Variants in TBC1D22A observed in about 807,000 individuals in gnomAD.
TBC1D22A encodes the protein TBC1 domain family member 22A, also known as putative GTPase activator.
Under a neutral mutation model 60.2 loss-of-function variants are expected in TBC1D22A, and 38 were observed. That is an observed-to-expected ratio of 0.63 (90% CI 0.49 to 0.83). TBC1D22A has a LOEUF of 0.83. TBC1D22A is among the 40% of genes least tolerant of loss of function. TBC1D22A has a pLI of 0.00. For missense variants in TBC1D22A, 628 were observed against 701.0 expected, an observed-to-expected ratio of 0.90 and a Z score of 1.18; for synonymous variants, 302 against 281.7, an observed-to-expected ratio of 1.07 and a Z score of -0.72.
chr22:46,803,040 C>A lies in TBC1D22A; in HGVS notation c.637+5420C>A, dbSNP rs561543511. Among the ~76,000 whole-genome samples the A allele has an allele frequency of 3.3e-5, 5 of 152,226 alleles. No homozygotes were observed. In the East Asian group the frequency reaches 9.7e-4, roughly 29 times the overall value. ...CACTGGGGAGACAAAATCTCCTCCT[C>A]ATGAAACAGAGAGCCAGGGAAAGCA... On this transcript the variant is annotated intron_variant, in intron 4 of 12. Transcript: ENST00000337137.
At chr22:46,835,559 GAGAA>G (rs2063209509) in intron 4 of TBC1D22A, among the ~76,000 whole-genome samples, 3 of 152,136 alleles carry the variant, frequency 2.0e-5, no homozygotes, top group African/African-American at 7.2e-5. Flanking sequence ...AAAAAAGCAT[GAGAA>G]AGAGAGAAGA....
intron 12 of TBC1D22A, among the ~76,000 whole-genome samples, chr22:47,115,150 C>T (rs928326085): frequency 1.5e-4 from 23 of 151,512 alleles, no homozygotes; most frequent in African/African-American, 5.1e-4. Flanking sequence ...GAACGTTGGC[C>T]CTGTCCTGAG....
chr22:46,956,359 G>A (rs1437868906), intron 8 of TBC1D22A, among the ~76,000 whole-genome samples: 3 of 152,332 alleles, frequency 2.0e-5, no homozygotes, highest in South Asian at 4.1e-4. Flanking sequence ...GCTGAGGTGG[G>A]CACATCACTA....
chr22:46,970,741 A>G (rs960108320), intron 8 of TBC1D22A, among the ~76,000 whole-genome samples: 1 of 152,198 alleles, frequency 6.6e-6, no homozygotes, highest in Admixed American at 6.5e-5. Flanking sequence ...TTCAGAGACC[A>G]TTCTCTCCCC....
Position 46,974,364 on chromosome 22 carries a change from T to TA in TBC1D22A, c.1091dup (p.Tyr364Ter). 1.2e-6 allele frequency: 2 copies of TA among 1,611,526 alleles called. No homozygotes were observed. Among genetic ancestry groups the TA allele is most frequent in the South Asian group, 2.2e-5 (2 of 90,338 alleles). The change falls in exon 9 of 13, where the codon TAC (tyrosine) becomes TAAC (stop). Residue 364 changes from tyrosine (Y) to a stop codon, truncating the protein, a stop_gained and frameshift_variant. Coordinates refer to ENST00000337137, the MANE Select transcript of TBC1D22A (RefSeq NM_014346.5). LOFTEE classifies it high-confidence loss of function. ...EVLCNIEADT[Y>*]WCMSKLLDGI... ...GCTGTGCAACATCGAGGCCGACACC[T>TA]ACTGGTGCATGAGCAAGCTGCTGGA...
intron 4 of TBC1D22A, among the ~76,000 whole-genome samples, chr22:46,856,123 G>A (rs894722413): frequency 4.6e-5 from 7 of 152,200 alleles, no homozygotes; most frequent in South Asian, 2.1e-4. Flanking sequence ...TGACAGGTGT[G>A]GGAATGATGA....
intron 4 of TBC1D22A, among the ~76,000 whole-genome samples, chr22:46,814,769 C>G (rs1271394902): frequency 6.6e-6 from 1 of 151,836 alleles, no homozygotes; most frequent in African/African-American, 2.4e-5. Context: ...GCATCAGCTC[C>G]CGAGTAGCTG....
intron 11 of TBC1D22A, among the ~76,000 whole-genome samples, chr22:47,077,722 G>A (rs557528326): frequency 1.1e-4 from 16 of 152,276 alleles, no homozygotes; most frequent in South Asian, 4.1e-4. Flanking sequence ...GCAGAAGCAC[G>A]GGGACCATGG....
intron 1 of TBC1D22A, among the ~76,000 whole-genome samples, chr22:46,781,344 T>C (rs2083928909): frequency 6.6e-6 from 1 of 151,962 alleles, no homozygotes. Flanking sequence ...CCTGGTTAAT[T>C]TTTATATTTT....
intron 4 of TBC1D22A, among the ~76,000 whole-genome samples, chr22:46,800,729 A>G (rs1298528010): frequency 6.6e-6 from 1 of 152,214 alleles, no homozygotes; most frequent in East Asian, 1.9e-4. Flanking sequence ...AATGTTAGTT[A>G]TTTTTATGGT....
intron 10 of TBC1D22A, among the ~76,000 whole-genome samples, chr22:47,027,834 C>T (rs1046648244): frequency 2.0e-5 from 3 of 152,206 alleles, no homozygotes; most frequent in Admixed American, 6.5e-5. Context: ...TCCAGAAGTG[C>T]GGGCTGCGAC....
intron 10 of TBC1D22A, among the ~76,000 whole-genome samples, chr22:47,007,785 T>G (rs1338277105): frequency 6.6e-6 from 1 of 152,070 alleles, no homozygotes; most frequent in Non-Finnish European, 1.5e-5. Context: ...GGGATCAGGG[T>G]CCCACCCTCA....
intron 11 of TBC1D22A, among the ~76,000 whole-genome samples, chr22:47,089,140 G>A (rs1029610278): frequency 2.0e-5 from 3 of 152,188 alleles, no homozygotes; most frequent in African/African-American, 7.2e-5. Context: ...TTGTGTATGT[G>A]TCATTTGGAG....
At chr22:47,169,448 G>A (rs1007874400) in intron 12 of TBC1D22A, among the ~76,000 whole-genome samples, 1 of 152,182 alleles carries the variant, frequency 6.6e-6, no homozygotes, top group Non-Finnish European at 1.5e-5. Flanking sequence ...GGACAATGGG[G>A]CATTTTTTTG....
At chr22:46,946,840 G>C (rs2072577606) in intron 8 of TBC1D22A, among the ~76,000 whole-genome samples, 7 of 152,198 alleles carry the variant, frequency 4.6e-5, no homozygotes, top group Admixed American at 4.6e-4. Context: ...CAAACCTCTA[G>C]AGGTTTCTTT....
chr22:46,794,427 G>T (rs1446911119), intron 3 of TBC1D22A, among the ~76,000 whole-genome samples: 1 of 152,236 alleles, frequency 6.6e-6, no homozygotes, highest in Non-Finnish European at 1.5e-5. Flanking sequence ...CATGGCACTG[G>T]TGTGCAGCAG....
intron 12 of TBC1D22A, among the ~76,000 whole-genome samples, chr22:47,127,647 C>A (rs959469694): frequency 6.6e-6 from 1 of 152,034 alleles, no homozygotes; most frequent in Non-Finnish European, 1.5e-5. Flanking sequence ...GGGAAGGCGG[C>A]CCCGTTCCTG....
Position 47,173,740 on chromosome 22 carries a change from G to A in TBC1D22A, c.*114G>A, listed in dbSNP as rs567541193. 16 of 1,505,104 alleles carry A rather than the reference G, an allele frequency of 1.1e-5. No individual in the cohort carries two copies. The African/African-American group carries it at 1.1e-4, about 10-fold the overall frequency. 93.2% of individuals were successfully genotyped at this position (1,505,104 alleles called of 1,614,324 possible). On this transcript the variant is annotated 3_prime_UTR_variant, in exon 13 of 13. Coordinates refer to ENST00000337137, the MANE Select transcript of TBC1D22A (RefSeq NM_014346.5). ...GGCTGCTAAAAGGCCTTGTGAGGTGGCCCCACCCTCCAGGGGAGCTGGTGA... is the reference window on the plus strand; with the variant it reads ...GGCTGCTAAAAGGCCTTGTGAGGTGACCCCACCCTCCAGGGGAGCTGGTGA...
chr22:47,155,546 T>G (rs2067679498), intron 12 of TBC1D22A, among the ~76,000 whole-genome samples: 1 of 152,228 alleles, frequency 6.6e-6, no homozygotes, highest in African/African-American at 2.4e-5. Flanking sequence ...GCCCGGCCAC[T>G]GTGGACCAGT....
Sources: gnomAD v4.1 joint callset for allele counts (sites outside exome capture counted in the v4.1 genomes callset) on GRCh38, gnomAD v4.1.1 for gene constraint, MANE v1.5 for transcripts, NCBI Gene and HGNC (gene_info 2026-07-23, HGNC 2026-07-21) for gene names.